The following ULK4 variants were observed in gnomAD, a reference collection of about 807,000 sequenced individuals.
The protein encoded by ULK4 is inactive serine/threonine-protein kinase ULK4.
A neutral mutation model predicts 160.6 loss-of-function variants in ULK4; 133 were observed. That is an observed-to-expected ratio of 0.83 (90% CI 0.72 to 0.96). The LOEUF is 0.96. ULK4 is among the 40% of genes least tolerant of loss of function. The pLI, the probability that ULK4 is intolerant of heterozygous loss-of-function variation, is 0.00. For missense variants in ULK4, 1,580 were observed against 1,499.5 expected (o/e 1.05, Z -0.89); for synonymous variants, 534 against 539.8 (o/e 0.99, Z 0.15).
intron 19 of ULK4, among the ~76,000 whole-genome samples, chr3:41,806,066 T>G (rs1219246800): frequency 6.9e-6 from 1 of 145,204 alleles, no homozygotes; most frequent in Non-Finnish European, 1.5e-5. Flanking sequence ...ATGGTACCAG[T>G]TCCTCCTTGT....
chr3:41,589,754 A>G (rs1242064582), intron 31 of ULK4, among the ~76,000 whole-genome samples: 3 of 152,224 alleles, frequency 2.0e-5, no homozygotes, highest in Non-Finnish European at 2.9e-5. Context: ...AGAAAAATCG[A>G]TATGACAGAC....
chr3:41,806,905 T>C (rs541083192), intron 19 of ULK4, among the ~76,000 whole-genome samples: 2 of 152,240 alleles, frequency 1.3e-5, no homozygotes, highest in African/African-American at 4.8e-5. Context: ...TCCAGCACCT[T>C]GTGAGGCCAT....
At chr3:41,892,748 A>G (rs935971016) in intron 16 of ULK4, among the ~76,000 whole-genome samples, 1 of 152,212 alleles carries the variant, frequency 6.6e-6, no homozygotes, top group South Asian at 2.1e-4. Flanking sequence ...AACTTACCAA[A>G]TCACCATATC....
chr3:41,537,020 T>C (rs893416005), intron 32 of ULK4, among the ~76,000 whole-genome samples: 2 of 152,236 alleles, frequency 1.3e-5, no homozygotes, highest in African/African-American at 4.8e-5. Flanking sequence ...GATTGTTTAA[T>C]GTCAATTTGT....
intron 25 of ULK4, among the ~76,000 whole-genome samples, chr3:41,707,501 C>T (rs1413031323): frequency 6.6e-6 from 1 of 152,026 alleles, no homozygotes; most frequent in Non-Finnish European, 1.5e-5. Flanking sequence ...ATATAAAGAA[C>T]TCAACTCAAT....
At chr3:41,931,367 G>T (rs2148822092) in intron 5 of ULK4, among the ~76,000 whole-genome samples, 1 of 150,330 alleles carries the variant, frequency 6.7e-6, no homozygotes, top group East Asian at 2.0e-4. Flanking sequence ...GCATTGGGAG[G>T]AATACCTAAT....
intron 29 of ULK4, among the ~76,000 whole-genome samples, chr3:41,676,881 C>T (rs554769539): frequency 6.7e-6 from 1 of 150,180 alleles, no homozygotes; most frequent in South Asian, 2.1e-4. Flanking sequence ...CCCCTTCTTG[C>T]CTGGGGTGCC....
At chr3:41,891,520 C>CAAGGAAGAGAGCTCAGTTAGTACAAGGAA in intron 16 of ULK4, among the ~76,000 whole-genome samples, 1 of 151,074 alleles carries the variant, frequency 6.6e-6, no homozygotes, top group Non-Finnish European at 1.5e-5. Context: ...ACCCACAAGT[C>CAAGGAAGAGAGCTCAGTTAGTACAAGGAA]CTACAGAACT....
At chr3:41,425,061 G>A (rs1236063134) in intron 34 of ULK4, among the ~76,000 whole-genome samples, 1 of 152,038 alleles carries the variant, frequency 6.6e-6, no homozygotes, top group African/African-American at 2.4e-5. Context: ...AAACATTACA[G>A]GAGCTGTTAA....
At chr3:41,416,103 G>C (rs1164484179) in intron 34 of ULK4, among the ~76,000 whole-genome samples, 4 of 152,174 alleles carry the variant, frequency 2.6e-5, no homozygotes, top group Admixed American at 2.6e-4. Context: ...TGATACAGCA[G>C]TAACAATAGG....
intron 17 of ULK4, among the ~76,000 whole-genome samples, chr3:41,858,670 A>AT (rs755950925): frequency 0.072 from 9,608 of 133,248 alleles, 1,140 homozygotes; most frequent in African/African-American, 0.24. Flanking sequence ...TTTTTGTGTG[A>AT]TTTTTTTTTT....
At chr3:41,376,976 A>C (rs1575486439) in intron 35 of ULK4, among the ~76,000 whole-genome samples, 1 of 151,016 alleles carries the variant, frequency 6.6e-6, no homozygotes, top group East Asian at 2.0e-4. Flanking sequence ...TTCAAACTAT[A>C]CTACAAGGCT....
chr3:41,846,047 G>A (rs191001327), intron 17 of ULK4, among the ~76,000 whole-genome samples: 367 of 152,280 alleles, frequency 2.4e-3, no homozygotes, highest in African/African-American at 7.9e-3. Context: ...TGTCTGGACT[G>A]CCTCCAGCAT....
intron 35 of ULK4, among the ~76,000 whole-genome samples, chr3:41,316,333 T>C (rs1380349997): frequency 1.3e-5 from 2 of 152,250 alleles, no homozygotes; most frequent in East Asian, 3.8e-4. Context: ...TGGTGATGGC[T>C]GCACAACTGC....
chr3:41,924,055 C>T (rs1699292071), intron 5 of ULK4, among the ~76,000 whole-genome samples: 1 of 152,152 alleles, frequency 6.6e-6, no homozygotes, highest in Non-Finnish European at 1.5e-5. Context: ...AACCAGAATC[C>T]AGATGTCCTT....
intron 35 of ULK4, among the ~76,000 whole-genome samples, chr3:41,311,005 T>A (rs182987179): frequency 1.1e-4 from 17 of 149,788 alleles, no homozygotes; most frequent in African/African-American, 4.0e-4. Flanking sequence ...AAAAAAATAA[T>A]AATAATAAAT....
intron 34 of ULK4, among the ~76,000 whole-genome samples, chr3:41,404,773 T>G (rs1005795397): frequency 2.0e-5 from 3 of 152,196 alleles, no homozygotes; most frequent in Non-Finnish European, 2.9e-5. Context: ...CCTCTTGCAC[T>G]TCCTTCATGT....
At chr3:41,925,864 T>C (rs986877719) in intron 5 of ULK4, among the ~76,000 whole-genome samples, 1 of 151,922 alleles carries the variant, frequency 6.6e-6, no homozygotes, top group African/African-American at 2.4e-5. Flanking sequence ...GGCTTATATA[T>C]AAAACCCCCA....
intron 8 of ULK4, 74 bp downstream of exon 8, chr3:41,915,903 A>G: frequency 8.8e-6 from 9 of 1,025,436 alleles, no homozygotes; most frequent in Non-Finnish European, 1.3e-5. Context: ...ATTTATTCCC[A>G]TTAAAATACT....
Sources: gnomAD v4.1 joint callset for allele counts (sites outside exome capture counted in the v4.1 genomes callset) on GRCh38, gnomAD v4.1.1 for gene constraint, MANE v1.5 for transcripts, NCBI Gene and HGNC (gene_info 2026-07-23, HGNC 2026-07-21) for gene names.